CNTN1: variants seen among roughly 807,000 people sequenced by gnomAD.
The protein encoded by CNTN1 is contactin-1.
Under a neutral mutation model 126.4 loss-of-function variants are expected in CNTN1, and 38 were observed. The observed-to-expected ratio is 0.30, with a 90% CI of 0.23 to 0.39. CNTN1 has a LOEUF of 0.39. CNTN1 is among the 10% of genes least tolerant of loss of function. CNTN1 has a pLI of 1.00. For missense variants in CNTN1, 1,009 were observed against 1,248.4 expected (o/e 0.81, Z 2.89); for synonymous variants, 413 against 422.6 (o/e 0.98, Z 0.28).
intron 1 of CNTN1, among the ~76,000 whole-genome samples, chr12:40,899,982 G>A (rs902425355): frequency 2.6e-5 from 4 of 152,048 alleles, no homozygotes; most frequent in African/African-American, 9.7e-5. Flanking sequence ...AATCTGTACG[G>A]AATAGAAACC....
At chr12:40,970,936 C>A (rs1947488362) in intron 15 of CNTN1, among the ~76,000 whole-genome samples, 1 of 152,162 alleles carries the variant, frequency 6.6e-6, no homozygotes, top group African/African-American at 2.4e-5. Flanking sequence ...CTTCCCTTTA[C>A]TATGAATGTA....
chr12:40,861,595 A>G (rs763971030), intron 1 of CNTN1, among the ~76,000 whole-genome samples: 15 of 152,032 alleles, frequency 9.9e-5, no homozygotes, highest in Admixed American at 4.6e-4. Context: ...CCAGTGCACC[A>G]TTTTATTGTA....
intron 1 of CNTN1, among the ~76,000 whole-genome samples, chr12:40,868,365 G>A (rs1270543460): frequency 1.3e-5 from 2 of 152,026 alleles, no homozygotes; most frequent in African/African-American, 4.8e-5. Context: ...TCTGTTAAAC[G>A]GGATTACAGA....
At chr12:40,742,231 T>C (rs973802719) in intron 1 of CNTN1, 1 of 152,142 alleles carries the variant, frequency 6.6e-6, no homozygotes, top group East Asian at 1.9e-4. Flanking sequence ...GTTTCATTTA[T>C]CCTGCTCTTT....
chr12:40,873,613 T>C (rs1943576995), intron 1 of CNTN1, among the ~76,000 whole-genome samples: 1 of 152,216 alleles, frequency 6.6e-6, no homozygotes, highest in Non-Finnish European at 1.5e-5. Context: ...TTTATAATGA[T>C]ATGAAAAGCC....
chr12:41,067,177 C>A (rs1009762631), intron 23 of CNTN1, among the ~76,000 whole-genome samples: 17 of 152,080 alleles, frequency 1.1e-4, no homozygotes, highest in African/African-American at 4.1e-4. Context: ...AAGATGAAGA[C>A]CAAAATTACA....
chr12:40,894,270 T>C (rs1304732722), intron 1 of CNTN1, among the ~76,000 whole-genome samples: 2 of 152,206 alleles, frequency 1.3e-5, no homozygotes, highest in African/African-American at 4.8e-5. Context: ...TACTGGCACT[T>C]CACTGCATTG....
chr12:40,806,253 G>T (rs1428340518), intron 1 of CNTN1, among the ~76,000 whole-genome samples: 1 of 152,040 alleles, frequency 6.6e-6, no homozygotes, highest in Non-Finnish European at 1.5e-5. Flanking sequence ...ATATGCAACT[G>T]GTCTTGGCAG....
chr12:41,026,668 G>T (rs938837050), intron 21 of CNTN1, among the ~76,000 whole-genome samples: 2 of 152,150 alleles, frequency 1.3e-5, no homozygotes, highest in African/African-American at 4.8e-5. Flanking sequence ...GTGTTCTGGG[G>T]CCCAATTACG....
intron 1 of CNTN1, among the ~76,000 whole-genome samples, chr12:40,720,647 G>A (rs759154305): frequency 5.3e-5 from 8 of 152,052 alleles, no homozygotes; most frequent in South Asian, 2.1e-4. Context: ...TATATTGTCA[G>A]GCCAGGCGCG....
rs1340049998 is a variant in CNTN1, at chr12:40,856,504, G to T, written c.-76-51853G>T. Among the ~76,000 whole-genome samples the T allele has an allele frequency of 4.6e-5, 7 of 152,210 alleles. No individual in the cohort carries two copies. In the East Asian group the frequency reaches 1.4e-3, roughly 29 times the overall value. On this transcript the variant is annotated intron_variant, in intron 1 of 23. Transcript: ENST00000551295. ...TGAGTTTATAGGGCTGACCTGCAAGGCTGTACAATTTTCTCTGCAGTCATC... is the reference window on the plus strand; with the variant it reads ...TGAGTTTATAGGGCTGACCTGCAAGTCTGTACAATTTTCTCTGCAGTCATC...
At chr12:40,719,474 C>T (rs574885108) in intron 1 of CNTN1, among the ~76,000 whole-genome samples, 5 of 152,102 alleles carry the variant, frequency 3.3e-5, no homozygotes, top group South Asian at 2.1e-4. Flanking sequence ...GATGATCGAT[C>T]GGGCTTATAA....
intron 1 of CNTN1, among the ~76,000 whole-genome samples, chr12:40,842,867 T>C (rs747366775): frequency 5.9e-5 from 9 of 152,194 alleles, no homozygotes; most frequent in Non-Finnish European, 1.0e-4. Context: ...ACATATCCAA[T>C]GTAAGATGAA....
chr12:40,857,248 A>C (rs1237602573), intron 1 of CNTN1, among the ~76,000 whole-genome samples: 1 of 152,118 alleles, frequency 6.6e-6, no homozygotes, highest in Non-Finnish European at 1.5e-5. Context: ...AAATCTACAC[A>C]ACTTTTCCAA....
At chr12:40,758,892 A>G (rs1369230608) in intron 1 of CNTN1, among the ~76,000 whole-genome samples, 1 of 151,712 alleles carries the variant, frequency 6.6e-6, no homozygotes, top group Non-Finnish European at 1.5e-5. Context: ...TTTTATATAT[A>G]TATATATATT....
intron 1 of CNTN1, among the ~76,000 whole-genome samples, chr12:40,734,650 A>T (rs535469825): frequency 6.6e-6 from 1 of 152,282 alleles, no homozygotes; most frequent in South Asian, 2.1e-4. Flanking sequence ...GCAAATAATG[A>T]CTTAATCTGT....
chr12:40,821,864 G>A (rs574211205), intron 1 of CNTN1, among the ~76,000 whole-genome samples: 31 of 152,050 alleles, frequency 2.0e-4, no homozygotes, highest in Non-Finnish European at 4.0e-4. Flanking sequence ...ACTGAAGAAA[G>A]GGGACTCCAG....
chr12:40,772,198 T>C (rs1234016578), intron 1 of CNTN1, among the ~76,000 whole-genome samples: 1 of 152,070 alleles, frequency 6.6e-6, no homozygotes, highest in Non-Finnish European at 1.5e-5. Flanking sequence ...TAATTCGGAA[T>C]AAAGTTGTTT....
intron 15 of CNTN1, chr12:40,978,989 T>A (rs1472828702): frequency 1.3e-5 from 2 of 152,296 alleles, no homozygotes; most frequent in East Asian, 3.9e-4. Context: ...GTAATTGACT[T>A]AGGATGCTGC....
Sources: allele counts gnomAD v4.1 joint callset (sites outside exome capture counted in the v4.1 genomes callset), GRCh38; gene constraint gnomAD v4.1.1; transcripts MANE v1.5; gene names NCBI Gene and HGNC (gene_info 2026-07-23, HGNC 2026-07-21).